The following PRDM5 variants were observed in gnomAD, a reference collection of about 807,000 sequenced individuals.
PRDM5 encodes the protein PR domain zinc finger protein 5.
In PRDM5, 56 loss-of-function variants were observed where a neutral mutation model predicts 81.2. The ratio of observed to expected loss-of-function variants is 0.69; its 90% CI spans 0.56 to 0.86. The LOEUF (loss-of-function observed/expected upper bound fraction) is 0.86, where lower values mean the gene tolerates loss of function less well. PRDM5 is among the 40% of genes least tolerant of loss of function. The probability of loss-of-function intolerance (pLI) is 0.00; values close to 1 mark genes in which losing one functional copy is unlikely to be tolerated. For synonymous variants in PRDM5, 267 were observed against 256.4 expected (o/e 1.04, Z -0.39); for missense variants, 697 against 770.1 (o/e 0.91, Z 1.12).
downstream of PRDM5, among the ~76,000 whole-genome samples, chr4:120,688,691 A>G (rs1733925718): frequency 6.6e-6 from 1 of 152,102 alleles, no homozygotes; most frequent in Non-Finnish European, 1.5e-5. Context: ...ACATGTGGAT[A>G]TCTAGTTTTC....
chr4:120,780,952 G>GA, intron 12 of PRDM5, among the ~76,000 whole-genome samples, 191 bp downstream of exon 12: 1 of 152,032 alleles, frequency 6.6e-6, no homozygotes, highest in South Asian at 2.1e-4. Context: ...CTCATTCATG[G>GA]AAAAAAATAG....
intron 3 of PRDM5, chr4:120,838,928 A>G: frequency 2.2e-6 from 1 of 446,996 alleles, no homozygotes. Context: ...GCCAATGCAC[A>G]GTCAGATATG....
At chr4:120,784,209 T>C (rs1749437310) in intron 11 of PRDM5, among the ~76,000 whole-genome samples, 1 of 152,100 alleles carries the variant, frequency 6.6e-6, no homozygotes, top group African/African-American at 2.4e-5. Flanking sequence ...GGGATATCCT[T>C]TAGTGATATA....
At chr4:120,821,430 A>G in intron 3 of PRDM5, 85 bp from the exon 4 acceptor site, 1 of 1,273,658 alleles carries the variant, frequency 7.9e-7, no homozygotes, top group Non-Finnish European at 1.1e-6. Flanking sequence ...TTAATGGAGT[A>G]CTATGTGTGC....
At chr4:120,757,472 T>A (rs1266141004) in intron 13 of PRDM5, among the ~76,000 whole-genome samples, 2 of 152,220 alleles carry the variant, frequency 1.3e-5, no homozygotes, top group African/African-American at 4.8e-5. Flanking sequence ...AATAGCTGGT[T>A]AATTTTACAT....
At chr4:120,826,967 T>C (rs1385607974) in intron 3 of PRDM5, among the ~76,000 whole-genome samples, 2 of 152,328 alleles carry the variant, frequency 1.3e-5, no homozygotes, top group Middle Eastern at 3.4e-3. Flanking sequence ...TTTAAATCTA[T>C]CTCTTCTCTG....
intron 1 of PRDM5, among the ~76,000 whole-genome samples, chr4:120,908,276 G>A (rs547787515): frequency 1.3e-5 from 2 of 152,338 alleles, no homozygotes; most frequent in South Asian, 4.1e-4. Flanking sequence ...CCAAAGCAGG[G>A]ACTGCAGAGA....
At chr4:120,901,354 A>T (rs991836118) in intron 2 of PRDM5, among the ~76,000 whole-genome samples, 2 of 152,194 alleles carry the variant, frequency 1.3e-5, no homozygotes, top group African/African-American at 4.8e-5. Flanking sequence ...GTAATATGCA[A>T]TTTTCTAGTA....
At chr4:120,834,072 TCA>T (rs1757052869) in intron 3 of PRDM5, among the ~76,000 whole-genome samples, 1 of 152,096 alleles carries the variant, frequency 6.6e-6, no homozygotes, top group Admixed American at 6.5e-5. Flanking sequence ...TTGTAAACGA[TCA>T]GACTAAAAAA....
chr4:120,798,044 C>T (rs186992286), intron 10 of PRDM5, among the ~76,000 whole-genome samples: 26 of 152,062 alleles, frequency 1.7e-4, no homozygotes, highest in Admixed American at 6.5e-4. Flanking sequence ...AATCTAATAG[C>T]GGTGTTAAGA....
At chr4:120,860,140 T>C (rs1023555084) in intron 2 of PRDM5, among the ~76,000 whole-genome samples, 6 of 152,228 alleles carry the variant, frequency 3.9e-5, no homozygotes, top group Non-Finnish European at 8.8e-5. Context: ...ACTGAAGAAC[T>C]TGGTCAGGTT....
intron 1 of PRDM5, among the ~76,000 whole-genome samples, chr4:120,912,814 TAAAGTG>T (rs1766669831): frequency 6.6e-6 from 1 of 152,206 alleles, no homozygotes; most frequent in South Asian, 2.1e-4. Context: ...ATAAATACAT[TAAAGTG>T]AATCAATCTG....
chr4:120,826,556 A>G (rs1756017627), intron 3 of PRDM5, among the ~76,000 whole-genome samples: 1 of 152,164 alleles, frequency 6.6e-6, no homozygotes, highest in South Asian at 2.1e-4. Flanking sequence ...ATCAAGTGCA[A>G]GCTAATCTCA....
chr4:120,765,546 C>A (rs1160237902), intron 13 of PRDM5, among the ~76,000 whole-genome samples: 3 of 152,166 alleles, frequency 2.0e-5, no homozygotes, highest in African/African-American at 7.2e-5. Flanking sequence ...AGAGTGCCAT[C>A]TCTGTTGTTT....
chr4:120,812,119 C>T (rs1753927906), intron 7 of PRDM5, among the ~76,000 whole-genome samples: 1 of 152,206 alleles, frequency 6.6e-6, no homozygotes, highest in East Asian at 1.9e-4. Flanking sequence ...TAAGTGAGCA[C>T]ATGTGAAATT....
chr4:120,794,359 C>T (rs1466191080), intron 10 of PRDM5, among the ~76,000 whole-genome samples: 1 of 151,936 alleles, frequency 6.6e-6, no homozygotes, highest in East Asian at 1.9e-4. Flanking sequence ...AAACTTACAC[C>T]ATATGTTTTG....
chr4:120,827,570 G>A (rs980591226), intron 3 of PRDM5, among the ~76,000 whole-genome samples: 1 of 152,056 alleles, frequency 6.6e-6, no homozygotes, highest in Non-Finnish European at 1.5e-5. Context: ...AATTTTGAAT[G>A]GTTAACTTTA....
intron 15 of PRDM5, among the ~76,000 whole-genome samples, chr4:120,709,581 T>A (rs1350952002): frequency 6.6e-6 from 1 of 152,166 alleles, no homozygotes; most frequent in African/African-American, 2.4e-5. Context: ...TTTCCCTCAA[T>A]ATTTAAGCAG....
chr4:120,833,426 G>A (rs1756952620), intron 3 of PRDM5, among the ~76,000 whole-genome samples: 1 of 151,992 alleles, frequency 6.6e-6, no homozygotes, highest in Non-Finnish European at 1.5e-5. Context: ...TAGCCCCAGA[G>A]TAGTGGTGCT....
Sources: gnomAD v4.1 joint callset for allele counts (sites outside exome capture counted in the v4.1 genomes callset) on GRCh38, gnomAD v4.1.1 for gene constraint, MANE v1.5 for transcripts, NCBI Gene and HGNC (gene_info 2026-07-23, HGNC 2026-07-21) for gene names.